PTPRD: variants seen among roughly 807,000 people sequenced by gnomAD.
PTPRD encodes protein tyrosine phosphatase receptor type D.
PTPRD carries 34 observed loss-of-function variants against 214.5 expected under a neutral mutation model. That is an observed-to-expected ratio of 0.16 (90% CI 0.12 to 0.21). The LOEUF (loss-of-function observed/expected upper bound fraction) is 0.21. PTPRD is among the 10% of genes least tolerant of loss of function. The pLI, the probability that PTPRD is intolerant of heterozygous loss-of-function variation, is 1.00. For missense variants in PTPRD, 2,545 were observed against 2,398.7 expected (o/e 1.06, Z -1.27); for synonymous variants, 1,128 against 845.7 (o/e 1.33, Z -5.79).
chr9:9,503,331 C>A lies in PTPRD; in HGVS notation c.-237+71401G>T, dbSNP rs1235355744. Among the ~76,000 whole-genome samples the A allele has an allele frequency of 2.0e-5, 3 of 151,218 alleles. No individual in the cohort carries two copies. The Admixed American group carries it at 2.0e-4, about 10-fold the overall frequency. On this transcript the variant is annotated intron_variant, in intron 8 of 45. Coordinates refer to ENST00000381196, the MANE Select transcript of PTPRD (RefSeq NM_002839.4). The stretch of plus-strand genomic sequence containing the variant: ...TTGTTATAGGTCTTGAATCACAGCA[C>A]ATCATTTAGATGAGATGTGTGGGTT...
chr9:8,507,205 T>C (rs750740919), intron 22 of PTPRD, 96 bp downstream of exon 22: 26 of 1,401,544 alleles, frequency 1.9e-5, no homozygotes, highest in Non-Finnish European at 2.4e-5. Flanking sequence ...AGGTCCTCAA[T>C]AGCTCTCTGA....
chr9:9,515,572 T>C (rs1226848027), intron 8 of PTPRD, among the ~76,000 whole-genome samples: 1 of 151,904 alleles, frequency 6.6e-6, no homozygotes, highest in Non-Finnish European at 1.5e-5. Context: ...CTCGAGGTGG[T>C]TGCAAAATGA....
chr9:10,185,047 T>C (rs1317909555), intron 3 of PTPRD, among the ~76,000 whole-genome samples: 1 of 152,148 alleles, frequency 6.6e-6, no homozygotes, highest in East Asian at 1.9e-4. Flanking sequence ...TAATGCAGTA[T>C]AAACAAACAA....
intron 8 of PTPRD, among the ~76,000 whole-genome samples, chr9:9,449,479 G>A (rs951813677): frequency 1.3e-5 from 2 of 151,936 alleles, no homozygotes; most frequent in African/African-American, 4.8e-5. Flanking sequence ...TTAACAGCAG[G>A]TCATAATGGT....
chr9:8,368,676 C>CTTT lies in PTPRD; in HGVS notation c.4661+7257_4661+7259dup, dbSNP rs199556434. On this transcript the variant is annotated intron_variant, in intron 39 of 45. Coordinates refer to ENST00000381196, the MANE Select transcript of PTPRD (RefSeq NM_002839.4). ...GGACACTATGCAATTCCTTTTAATG[C>CTTT]TTTTTTTTTTTTTTTTTTGGTTCCA... Among the ~76,000 whole-genome samples, 767 of 117,270 alleles carry CTTT rather than the reference C, an allele frequency of 6.5e-3. 20 individuals carry two copies. Among genetic ancestry groups the CTTT allele is most frequent in the South Asian group, 0.023 (79 of 3,500 alleles). The allele number at this position is 117,270 out of a possible 152,430, so 76.9% of individuals were successfully genotyped here. A position where few individuals can be genotyped will look rare whatever the true frequency, so the allele number is the denominator to read the frequency against.
chr9:9,847,082 A>C (rs1407651201), intron 5 of PTPRD, among the ~76,000 whole-genome samples: 1 of 152,286 alleles, frequency 6.6e-6, no homozygotes, highest in Non-Finnish European at 1.5e-5. Flanking sequence ...TAAATTGCCA[A>C]GTAAAATTTT....
intron 11 of PTPRD, among the ~76,000 whole-genome samples, chr9:8,868,621 A>G (rs943621102): frequency 6.6e-6 from 1 of 152,170 alleles, no homozygotes; most frequent in Non-Finnish European, 1.5e-5. Flanking sequence ...GATTATCTTT[A>G]AAGTTGTTTC....
chr9:9,935,921 C>T (rs911819392), intron 5 of PTPRD, among the ~76,000 whole-genome samples: 1 of 150,674 alleles, frequency 6.6e-6, no homozygotes, highest in African/African-American at 2.5e-5. Flanking sequence ...AGAAATAATG[C>T]TGCATATCTA....
chr9:9,420,571 C>A (rs2078401519), intron 8 of PTPRD, among the ~76,000 whole-genome samples: 1 of 151,866 alleles, frequency 6.6e-6, no homozygotes, highest in Non-Finnish European at 1.5e-5. Context: ...GGTTTGAAAA[C>A]AGTTCAGATA....
At chr9:10,169,099 G>A (rs2099181179) in intron 3 of PTPRD, among the ~76,000 whole-genome samples, 1 of 152,074 alleles carries the variant, frequency 6.6e-6, no homozygotes, top group South Asian at 2.1e-4. Context: ...AAACAGCAAT[G>A]TTACTAATAA....
At chr9:9,300,665 G>A (rs933701957) in intron 9 of PTPRD, among the ~76,000 whole-genome samples, 1 of 151,694 alleles carries the variant, frequency 6.6e-6, no homozygotes, top group Non-Finnish European at 1.5e-5. Context: ...TGCTGTATGA[G>A]GATACAATGA....
chr9:10,184,327 A>G (rs2099318145), intron 3 of PTPRD, among the ~76,000 whole-genome samples: 2 of 152,198 alleles, frequency 1.3e-5, no homozygotes, highest in South Asian at 4.1e-4. Context: ...CGGGAGGCTG[A>G]GGCATGAGAA....
intron 11 of PTPRD, among the ~76,000 whole-genome samples, chr9:8,773,403 C>T (rs944494972): frequency 6.6e-6 from 1 of 152,132 alleles, no homozygotes; most frequent in South Asian, 2.1e-4. Context: ...TAGAAACTCT[C>T]GCCAGGCAGT....
At chr9:9,263,276 A>G (rs1240657176) in intron 9 of PTPRD, among the ~76,000 whole-genome samples, 1 of 151,480 alleles carries the variant, frequency 6.6e-6, no homozygotes, top group Non-Finnish European at 1.5e-5. Flanking sequence ...GTCTTTTTTT[A>G]TAAATGTTTT....
chr9:8,575,983 T>C (rs535035062), intron 14 of PTPRD, among the ~76,000 whole-genome samples: 3 of 152,284 alleles, frequency 2.0e-5, no homozygotes, highest in East Asian at 3.9e-4. Context: ...TAGGTCAGTT[T>C]ACATTTACAA....
intron 8 of PTPRD, among the ~76,000 whole-genome samples, chr9:9,536,858 G>T (rs1256872394): frequency 1.3e-5 from 2 of 152,026 alleles, no homozygotes; most frequent in Non-Finnish European, 2.9e-5. Context: ...AAACTTTCTT[G>T]TCGCAAGAGA....
intron 10 of PTPRD, among the ~76,000 whole-genome samples, chr9:9,050,816 A>T (rs1341265287): frequency 4.6e-5 from 7 of 152,102 alleles, no homozygotes; most frequent in Non-Finnish European, 1.0e-4. Flanking sequence ...ATTATCATTT[A>T]TTATTGTTAA....
intron 4 of PTPRD, among the ~76,000 whole-genome samples, chr9:9,976,128 C>G (rs528588949): frequency 6.6e-6 from 1 of 152,266 alleles, no homozygotes; most frequent in East Asian, 1.9e-4. Flanking sequence ...AGATCCCCCA[C>G]ATCCATATAC....
intron 3 of PTPRD, among the ~76,000 whole-genome samples, chr9:10,042,240 T>C (rs1308187380): frequency 6.6e-6 from 1 of 151,960 alleles, no homozygotes; most frequent in African/African-American, 2.4e-5. Flanking sequence ...CTATGTGTAA[T>C]TTAAAATTTG....
Sources: allele counts gnomAD v4.1 joint callset (sites outside exome capture counted in the v4.1 genomes callset), GRCh38; gene constraint gnomAD v4.1.1; transcripts MANE v1.5; gene names NCBI Gene and HGNC (gene_info 2026-07-23, HGNC 2026-07-21).